The following KCNAB1 variants were observed in gnomAD, a reference collection of about 807,000 sequenced individuals.
KCNAB1 encodes voltage-gated potassium channel subunit beta-1.
Under a neutral mutation model 64.6 loss-of-function variants are expected in KCNAB1, and 35 were observed. That is an observed-to-expected ratio of 0.54 (90% confidence interval 0.41 to 0.72). The LOEUF is 0.72. Among genes scored for constraint, KCNAB1 ranks in the 30% least tolerant of loss-of-function variants. The probability of loss-of-function intolerance (pLI) is 0.00; values close to 1 mark genes in which losing one functional copy is unlikely to be tolerated. For missense variants in KCNAB1, 401 were observed against 512.9 expected (o/e 0.78, Z 2.11); for synonymous variants, 177 against 183.8 (o/e 0.96, Z 0.30).
intron 8 of KCNAB1, 65 bp from the exon 9 acceptor site, chr3:156,514,299 T>C (rs1717414099): frequency 1.5e-6 from 2 of 1,298,950 alleles, no homozygotes; most frequent in Non-Finnish European, 2.2e-6. Flanking sequence ...GCTAGAGGAG[T>C]AAAAATCGCA....
intron 1 of KCNAB1, among the ~76,000 whole-genome samples, chr3:156,382,382 T>C (rs1712231698): frequency 6.6e-6 from 1 of 152,116 alleles, no homozygotes; most frequent in Non-Finnish European, 1.5e-5. Flanking sequence ...CTCAGGAGGC[T>C]GAGGTAGGAG....
chr3:156,341,981 G>T (rs1372922180), intron 1 of KCNAB1, among the ~76,000 whole-genome samples: 1 of 152,146 alleles, frequency 6.6e-6, no homozygotes, highest in Non-Finnish European at 1.5e-5. Context: ...TGTCTGGAAA[G>T]GTTTATCCCC....
chr3:156,488,905 A>G (rs1324355558), intron 8 of KCNAB1, among the ~76,000 whole-genome samples: 1 of 152,148 alleles, frequency 6.6e-6, no homozygotes, highest in East Asian at 1.9e-4. Context: ...TGAATTAGAT[A>G]TGAGCGTGAC....
At chr3:156,310,485 T>C (rs1721814992) in intron 1 of KCNAB1, among the ~76,000 whole-genome samples, 2 of 152,124 alleles carry the variant, frequency 1.3e-5, no homozygotes, top group South Asian at 4.1e-4. Flanking sequence ...AGGGTAGGTA[T>C]GCACCAGAGG....
At chr3:156,290,758 GT>G (rs1720353929) in intron 1 of KCNAB1, among the ~76,000 whole-genome samples, 1 of 152,180 alleles carries the variant, frequency 6.6e-6, no homozygotes, top group Admixed American at 6.5e-5. Context: ...CTCCTGAGTG[GT>G]GCTGGATTGC....
intron 12 of KCNAB1, 35 bp downstream of exon 12, chr3:156,523,982 G>A (rs1718125690): frequency 6.3e-7 from 1 of 1,595,200 alleles, no homozygotes; most frequent in Non-Finnish European, 8.5e-7. Context: ...GTGGTAGAGG[G>A]ACTTCTGCTG....
At chr3:156,481,228 G>A (rs1254921044) in intron 8 of KCNAB1, among the ~76,000 whole-genome samples, 1 of 152,038 alleles carries the variant, frequency 6.6e-6, no homozygotes, top group African/African-American at 2.4e-5. Flanking sequence ...GAGTATTACT[G>A]TATCAATTAA....
chr3:156,440,671 C>T (rs1716928458), intron 2 of KCNAB1, among the ~76,000 whole-genome samples: 1 of 152,158 alleles, frequency 6.6e-6, no homozygotes, highest in Admixed American at 6.5e-5. Flanking sequence ...AAAAGAGAAT[C>T]TATGCATAGT....
intron 1 of KCNAB1, among the ~76,000 whole-genome samples, chr3:156,137,695 G>A (rs1025847479): frequency 1.3e-5 from 2 of 148,882 alleles, no homozygotes; most frequent in Non-Finnish European, 3.0e-5. Flanking sequence ...ACAGGCACCC[G>A]CTACCACGTC....
intron 1 of KCNAB1, among the ~76,000 whole-genome samples, chr3:156,151,360 A>G (rs968160732): frequency 2.6e-5 from 4 of 152,172 alleles, no homozygotes; most frequent in African/African-American, 9.7e-5. Context: ...TAAAATATAG[A>G]TGCTTTTTAA....
At chr3:156,128,017 TA>T (rs1324013837) in intron 1 of KCNAB1, among the ~76,000 whole-genome samples, 1 of 152,170 alleles carries the variant, frequency 6.6e-6, no homozygotes, top group African/African-American at 2.4e-5. Flanking sequence ...GGTTCTTTCC[TA>T]ACTGGACGTT....
At chr3:156,127,128 C>T (rs1241238785) in intron 1 of KCNAB1, among the ~76,000 whole-genome samples, 6 of 152,304 alleles carry the variant, frequency 3.9e-5, no homozygotes, top group Admixed American at 3.9e-4. Flanking sequence ...CTCACCTCTG[C>T]CACTTTCCTC....
intron 1 of KCNAB1, among the ~76,000 whole-genome samples, chr3:156,305,721 A>T (rs1470631565): frequency 6.6e-6 from 1 of 152,216 alleles, no homozygotes; most frequent in Non-Finnish European, 1.5e-5. Flanking sequence ...TGCATAGGTT[A>T]CAAAAGAAAA....
intron 1 of KCNAB1, among the ~76,000 whole-genome samples, chr3:156,136,853 GT>G (rs1714374338): frequency 6.6e-6 from 1 of 152,170 alleles, no homozygotes; most frequent in Admixed American, 6.5e-5. Context: ...GGTGAGGAGA[GT>G]TTTTGCTACA....
chr3:156,368,566 T>C (rs1020721423), intron 1 of KCNAB1, among the ~76,000 whole-genome samples: 2 of 152,160 alleles, frequency 1.3e-5, no homozygotes, highest in Non-Finnish European at 2.9e-5. Flanking sequence ...TCACCCTTTG[T>C]TGTTATTTTC....
intron 6 of KCNAB1, among the ~76,000 whole-genome samples, chr3:156,464,494 T>A (rs867691437): frequency 0.015 from 2,201 of 150,814 alleles, 30 homozygotes; most frequent in African/African-American, 0.028. Flanking sequence ...AAAATAATAA[T>A]AATAATAATA....
At chr3:156,243,263 C>T (rs974144252) in intron 1 of KCNAB1, among the ~76,000 whole-genome samples, 10 of 151,924 alleles carry the variant, frequency 6.6e-5, no homozygotes, top group South Asian at 2.1e-4. Context: ...CTCCCTCTGT[C>T]GCCCAGGCTG....
At chr3:156,433,793 C>T (rs868333439) in intron 2 of KCNAB1, among the ~76,000 whole-genome samples, 9 of 152,274 alleles carry the variant, frequency 5.9e-5, no homozygotes, top group Middle Eastern at 3.4e-3. Flanking sequence ...TTGATTGTTG[C>T]TTTCCTGAAC....
At position 156,531,458 on chromosome 3, in the gene KCNAB1, C is replaced by T; in HGVS notation, c.1131C>T (p.Ser377=). ...EGVSSVLLGS[S]TPEQLIENLG... is the part of the protein sequence containing the mutation. ...TGAGTTCTGTGCTCCTGGGATCATC[C>T]ACTCCTGAACAACTCATTGAAAACC... is the stretch of plus-strand genomic sequence containing the variant. The change falls in exon 13 of 14, where the codon TCC becomes TCT. Residue 377 remains serine (S), a synonymous_variant. Coordinates refer to ENST00000490337, the MANE Select transcript of KCNAB1 (RefSeq NM_172160.3). 6.2e-7 allele frequency: 1 copy of T among 1,614,044 alleles called. No individual in the cohort carries two copies. Among genetic ancestry groups the T allele is most frequent in the Non-Finnish European group, 8.5e-7 (1 of 1,179,900 alleles).
Sources: gnomAD v4.1 joint callset for allele counts (sites outside exome capture counted in the v4.1 genomes callset) on GRCh38, gnomAD v4.1.1 for gene constraint, MANE v1.5 for transcripts, NCBI Gene and HGNC (gene_info 2026-07-23, HGNC 2026-07-21) for gene names.